DCAF6: variants seen among roughly 807,000 people sequenced by gnomAD.
DCAF6 encodes the protein DDB1- and CUL4-associated factor 6.
DCAF6 carries 54 observed loss-of-function variants against 125.1 expected under a neutral mutation model. The observed-to-expected ratio is 0.43, with a 90% CI of 0.35 to 0.54. The LOEUF is 0.54. DCAF6 is among the 20% of genes least tolerant of loss of function. The pLI, the probability that DCAF6 is intolerant of heterozygous loss-of-function variation, is 0.01. For missense variants in DCAF6, 934 were observed against 1,161.7 expected, an observed-to-expected ratio of 0.80 and a Z score of 2.85; for synonymous variants, 371 against 390.4, an observed-to-expected ratio of 0.95 and a Z score of 0.58.
chr1:167,883,863 C>A, the DCAF6 span, among the ~76,000 whole-genome samples: 2 of 152,210 alleles, frequency 1.3e-5, no homozygotes, highest in Non-Finnish European at 2.9e-5. Context: ...CACTCCATTA[C>A]CCCAACTGCT....
At chr1:167,922,792 G>A in the DCAF6 span, among the ~76,000 whole-genome samples, 1 of 152,098 alleles carries the variant, frequency 6.6e-6, no homozygotes, top group Non-Finnish European at 1.5e-5. Flanking sequence ...TTTCTGAATT[G>A]TTCTAACCAT....
chr1:167,875,488 C>T, the DCAF6 span, among the ~76,000 whole-genome samples: 28 of 152,310 alleles, frequency 1.8e-4, no homozygotes, highest in East Asian at 4.4e-3. Context: ...ACCTGATATA[C>T]GACCCAGTAG....
the DCAF6 span, among the ~76,000 whole-genome samples, chr1:167,881,189 G>A: frequency 5.3e-5 from 8 of 152,280 alleles, no homozygotes; most frequent in Non-Finnish European, 7.4e-5. Context: ...AAAGGCTTAG[G>A]CTGTAAGTAG....
At position 168,075,430 on chromosome 1, in the gene DCAF6, G is replaced by A. The variant is rs760647899; in HGVS notation, c.2851G>A (p.Glu951Lys). ...SGQENENEDEE is the reference protein window; with the variant it reads ...SGQENENEDEK ...TCAAGAGAATGAAAATGAGGATGAGGAATAATAAACTCTTTTTGGCAAGCA... is the reference window on the plus strand; with the variant it reads ...TCAAGAGAATGAAAATGAGGATGAGAAATAATAAACTCTTTTTGGCAAGCA... The change falls in exon 22 of 22, where the codon GAA becomes AAA. Residue 951 changes from glutamate (E) to lysine (K), a missense_variant. Glu to Lys is a moderately conservative substitution (Grantham distance 56). Around this residue, in one of 5 missense-constraint regions of DCAF6, gnomAD observed 36 missense variants for 39.8 expected, o/e 0.91. Coordinates refer to ENST00000367840, the MANE Select transcript of DCAF6 (RefSeq NM_001198956.2). 6.3e-7 allele frequency: 1 copy of A among 1,596,960 alleles called. No individual in the cohort carries two copies. Among genetic ancestry groups the A allele is most frequent in the Non-Finnish European group, 8.5e-7 (1 of 1,175,086 alleles).
intron 10 of DCAF6, among the ~76,000 whole-genome samples, chr1:168,009,309 TTTCTCTTCTC>T (rs548857693): frequency 1.3e-4 from 20 of 151,958 alleles, no homozygotes; most frequent in Non-Finnish European, 1.9e-4. Flanking sequence ...TTTTCTTTTC[TTTCTCTTCTC>T]TTCTCTTCTT....
the DCAF6 span, among the ~76,000 whole-genome samples, chr1:167,929,494 T>C: frequency 6.6e-6 from 1 of 152,224 alleles, no homozygotes; most frequent in Non-Finnish European, 1.5e-5. Flanking sequence ...ATTCTAACTT[T>C]TCATAGAATT....
At position 168,004,636 on chromosome 1, in the gene DCAF6, A is replaced by G. The variant is rs1395479335; in HGVS notation, c.1221A>G (p.Gln407=). Residue 407 remains glutamine (Q), a synonymous_variant, in exon 10 of 22, where the codon CAA becomes CAG. Coordinates refer to ENST00000367840, the MANE Select transcript of DCAF6 (RefSeq NM_001198956.2). ...TAMEVDTPAE[Q]FLQPSTSSTM... ...TGGAAGTAGATACTCCAGCTGAACA[A>G]TTTCTTCAGCCTTCTACATCCTCTA... 1.7e-5 allele frequency: 28 copies of G among 1,613,616 alleles called. No individual in the cohort carries two copies. In the Admixed American group the frequency reaches 2.2e-4, roughly 13 times the overall value.
the DCAF6 span, among the ~76,000 whole-genome samples, chr1:167,906,622 C>CAAA: frequency 9.1e-6 from 1 of 109,504 alleles, no homozygotes. Flanking sequence ...CCCATCTCTA[C>CAAA]AAAAAAAAAA....
chr1:167,941,630 C>T (rs960421252), intron 1 of DCAF6, among the ~76,000 whole-genome samples: 8 of 151,846 alleles, frequency 5.3e-5, no homozygotes, highest in African/African-American at 1.9e-4. Context: ...TAATGAGTCT[C>T]AGCTTGAGGT....
chr1:168,006,302 T>G (rs960019479), intron 10 of DCAF6, among the ~76,000 whole-genome samples: 4 of 152,166 alleles, frequency 2.6e-5, no homozygotes, highest in Non-Finnish European at 4.4e-5. Flanking sequence ...TCTTTGGTGG[T>G]CATGTGATGA....
intron 1 of DCAF6, among the ~76,000 whole-genome samples, chr1:167,939,599 C>G (rs572543234): frequency 6.6e-6 from 1 of 152,168 alleles, no homozygotes; most frequent in Non-Finnish European, 1.5e-5. Context: ...CTGGTCTTTA[C>G]TAAAAATACA....
At chr1:167,890,318 C>T in the DCAF6 span, among the ~76,000 whole-genome samples, 1 of 152,202 alleles carries the variant, frequency 6.6e-6, no homozygotes, top group Non-Finnish European at 1.5e-5. Flanking sequence ...AGAGGTACCA[C>T]CTTTGTGGTC....
chr1:168,027,892 G>C (rs187350214), intron 12 of DCAF6, among the ~76,000 whole-genome samples: 230 of 152,126 alleles, frequency 1.5e-3, no homozygotes, highest in African/African-American at 5.3e-3. Context: ...GCAGCTCCCT[G>C]GTTGTCTCAA....
At chr1:168,026,276 C>T (rs1287050632) in intron 12 of DCAF6, among the ~76,000 whole-genome samples, 1 of 152,070 alleles carries the variant, frequency 6.6e-6, no homozygotes, top group African/African-American at 2.4e-5. Context: ...TAAAATCATA[C>T]ATCATGTGGT....
At chr1:167,939,403 C>T (rs115595668) in intron 1 of DCAF6, among the ~76,000 whole-genome samples, 1,725 of 151,938 alleles carry the variant, frequency 0.011, 38 homozygotes, top group African/African-American at 0.039. Context: ...TTGTGTGTGG[C>T]GATAAAATGA....
intron 13 of DCAF6, among the ~76,000 whole-genome samples, chr1:168,039,466 T>C (rs79196711): frequency 0.021 from 3,150 of 150,986 alleles, 102 homozygotes; most frequent in African/African-American, 0.07. Context: ...AAAAGCAAGT[T>C]ATGTAAGCTT....
At chr1:167,983,287 A>G (rs1679479803) in intron 4 of DCAF6, among the ~76,000 whole-genome samples, 1 of 152,160 alleles carries the variant, frequency 6.6e-6, no homozygotes. Context: ...GATTCTTCCA[A>G]TCCGTGAGCA....
intron 4 of DCAF6, among the ~76,000 whole-genome samples, chr1:167,976,759 TTTACTG>T (rs1255840668): frequency 6.6e-6 from 1 of 152,144 alleles, no homozygotes; most frequent in Non-Finnish European, 1.5e-5. Context: ...ATGTTATTGG[TTTACTG>T]TTAGTGTTGT....
the DCAF6 span, among the ~76,000 whole-genome samples, chr1:167,912,544 T>G: frequency 6.6e-6 from 1 of 152,240 alleles, no homozygotes; most frequent in African/African-American, 2.4e-5. Context: ...CTGAACCCTA[T>G]GCAAATCAGA....
Sources: allele counts gnomAD v4.1 joint callset (sites outside exome capture counted in the v4.1 genomes callset), GRCh38; gene constraint gnomAD v4.1.1; regional missense constraint gnomAD v4.1.1; transcripts MANE v1.5; gene names NCBI Gene and HGNC (gene_info 2026-07-23, HGNC 2026-07-21).